NEXN: variants seen among roughly 807,000 people sequenced by gnomAD.
NEXN encodes the protein nexilin.
A neutral mutation model predicts 92.6 loss-of-function variants in NEXN; 65 were observed. That is an observed-to-expected ratio of 0.70 (90% CI 0.57 to 0.86). NEXN has a LOEUF of 0.86. Ranked by LOEUF, NEXN falls within the 40% of genes least tolerant of loss-of-function variation. NEXN has a pLI of 0.00. For missense variants in NEXN, 778 were observed against 771.1 expected, an observed-to-expected ratio of 1.01 and a Z score of -0.11; for synonymous variants, 254 against 242.5, an observed-to-expected ratio of 1.05 and a Z score of -0.44.
intron 6 of NEXN, 88 bp downstream of exon 6, chr1:77,925,317 CTTTTATTAT>C: frequency 1.1e-6 from 1 of 908,724 alleles, no homozygotes; most frequent in East Asian, 2.6e-5. Flanking sequence ...ACTAAAAGAG[CTTTTATTAT>C]TTTTATTATA....
At chr1:77,930,260 T>C (rs934160417) in intron 9 of NEXN, among the ~76,000 whole-genome samples, 3 of 152,190 alleles carry the variant, frequency 2.0e-5, no homozygotes, top group African/African-American at 7.2e-5. Context: ...GATACTCAAA[T>C]CAGAAACGTG....
At chr1:77,923,175 T>C (rs1188761183) in intron 5 of NEXN, among the ~76,000 whole-genome samples, 2 of 148,878 alleles carry the variant, frequency 1.3e-5, no homozygotes, top group Admixed American at 1.3e-4. Context: ...TTTTTTTTTT[T>C]TTTTGTAGAG....
intron 1 of NEXN, among the ~76,000 whole-genome samples, chr1:77,897,729 T>A (rs1362247789): frequency 2.6e-5 from 4 of 152,242 alleles, no homozygotes; most frequent in Admixed American, 2.6e-4. Flanking sequence ...TGTCCCTGTT[T>A]GCAGATGACA....
intron 5 of NEXN, among the ~76,000 whole-genome samples, chr1:77,921,217 G>C (rs1279695649): frequency 6.6e-6 from 1 of 152,158 alleles, no homozygotes; most frequent in Admixed American, 6.5e-5. Flanking sequence ...AGGAGGTGGT[G>C]GTGGGTGCCT....
chr1:77,934,631 T>C (rs1204488589), intron 10 of NEXN, among the ~76,000 whole-genome samples: 1 of 152,210 alleles, frequency 6.6e-6, no homozygotes, highest in Non-Finnish European at 1.5e-5. Context: ...CCTTCTTCCC[T>C]CTTCGGACTC....
intron 1 of NEXN, among the ~76,000 whole-genome samples, chr1:77,912,155 C>T (rs974328079): frequency 1.3e-5 from 2 of 151,368 alleles, no homozygotes; most frequent in Non-Finnish European, 2.9e-5. Context: ...TCAACATGTA[C>T]TAGCAACAAT....
At chr1:77,897,455 A>G (rs1464893040) in intron 1 of NEXN, among the ~76,000 whole-genome samples, 1 of 152,250 alleles carries the variant, frequency 6.6e-6, no homozygotes, top group Non-Finnish European at 1.5e-5. Context: ...GACAAAATTC[A>G]ACAATGCTTC....
chr1:77,930,434 A>G (rs1650197395), intron 9 of NEXN, among the ~76,000 whole-genome samples: 1 of 152,162 alleles, frequency 6.6e-6, no homozygotes, highest in Non-Finnish European at 1.5e-5. Context: ...CCTGGGGCCA[A>G]CTCCTCATTA....
rs751080251 is a variant in NEXN, at chr1:77,910,748, C to CAAA, written c.-52-5286_-52-5284dup. ...CCTGGGTGACAGAGTGAGACTGTCT[C>CAAA]AAAAAAAAAAAAAAAAAAAAAAACT... On this transcript the variant is annotated intron_variant, in intron 1 of 12. Coordinates refer to ENST00000334785, the MANE Select transcript of NEXN (RefSeq NM_144573.4). 2.5e-3 allele frequency among the ~76,000 whole-genome samples: 108 copies of CAAA among 42,658 alleles called. 4 individuals are homozygous for CAAA. The highest frequency in any genetic ancestry group is 5.3e-3 in the African/African-American group (70 of 13,274). The allele number at this position is 42,658 out of a possible 152,430, so 28.0% of individuals were successfully genotyped here. A position where few individuals can be genotyped will look rare whatever the true frequency, so the allele number is the denominator to read the frequency against.
At chr1:77,906,844 T>C (rs951873974) in intron 1 of NEXN, among the ~76,000 whole-genome samples, 5 of 151,858 alleles carry the variant, frequency 3.3e-5, no homozygotes, top group African/African-American at 1.2e-4. Flanking sequence ...ATTGTAGAGA[T>C]GGGGTCTTGC....
intron 10 of NEXN, among the ~76,000 whole-genome samples, chr1:77,934,011 ATT>A (rs71075780): frequency 4.4e-5 from 5 of 114,306 alleles, no homozygotes; most frequent in Admixed American, 3.9e-4. Context: ...CTAATTTTTA[ATT>A]TTTTTTTTTT....
intron 1 of NEXN, among the ~76,000 whole-genome samples, chr1:77,904,389 T>A (rs964551490): frequency 2.0e-5 from 3 of 152,230 alleles, no homozygotes; most frequent in African/African-American, 7.2e-5. Context: ...TTTGAGAATA[T>A]GTTTCTAAAA....
intron 5 of NEXN, among the ~76,000 whole-genome samples, chr1:77,923,232 CA>C (rs1258046280): frequency 5.7e-4 from 84 of 146,140 alleles, no homozygotes; most frequent in African/African-American, 2.1e-3. Context: ...CTCCTGGGCT[CA>C]ATCGGCCTGC....
intron 1 of NEXN, among the ~76,000 whole-genome samples, chr1:77,914,763 A>T (rs1648833738): frequency 6.6e-6 from 1 of 151,662 alleles, no homozygotes; most frequent in South Asian, 2.1e-4. Flanking sequence ...AGGCTGAGGC[A>T]GGAGAATCGC....
intron 1 of NEXN, among the ~76,000 whole-genome samples, chr1:77,903,178 G>A (rs2102053400): frequency 6.6e-6 from 1 of 152,008 alleles, no homozygotes; most frequent in East Asian, 1.9e-4. Flanking sequence ...TAGTGGGCCT[G>A]GTTGAGGGCA....
At chr1:77,902,356 C>T (rs1571079714) in intron 1 of NEXN, among the ~76,000 whole-genome samples, 9 of 152,034 alleles carry the variant, frequency 5.9e-5, no homozygotes, top group Admixed American at 5.9e-4. Flanking sequence ...CTTTTCATTA[C>T]TTTATTAATG....
At chr1:77,915,640 A>T (rs1384023156) in intron 1 of NEXN, among the ~76,000 whole-genome samples, 2 of 152,084 alleles carry the variant, frequency 1.3e-5, no homozygotes, top group Non-Finnish European at 2.9e-5. Flanking sequence ...AACAAAAACA[A>T]AAACAAAACA....
chr1:77,935,684 G>A (rs897747704), intron 10 of NEXN, 139 bp from the exon 11 acceptor site: 7 of 678,594 alleles, frequency 1.0e-5, no homozygotes, highest in Non-Finnish European at 1.8e-5. Flanking sequence ...CACACATGGT[G>A]GCATGTGCCT....
At position 77,910,691 on chromosome 1, in the gene NEXN, C is replaced by T. The variant is rs962823770; in HGVS notation, c.-52-5364C>T. Among the ~76,000 whole-genome samples, 18 of 137,114 alleles carry T rather than the reference C, an allele frequency of 1.3e-4. No individual in the cohort carries two copies. The East Asian group carries it at 3.6e-3, about 27-fold the overall frequency. 90.0% of individuals were successfully genotyped at this position (137,114 alleles called of 152,430 possible). ...ACTTGAACCCGAGAGGTGGAGGTTG[C>T]AGTGAGCTGAGACTGTGCCATTGCA... On this transcript the variant is annotated intron_variant, in intron 1 of 12. Coordinates refer to ENST00000334785, the MANE Select transcript of NEXN (RefSeq NM_144573.4).
Sources: gnomAD v4.1 joint callset for allele counts (sites outside exome capture counted in the v4.1 genomes callset) on GRCh38, gnomAD v4.1.1 for gene constraint, MANE v1.5 for transcripts, NCBI Gene and HGNC (gene_info 2026-07-23, HGNC 2026-07-21) for gene names.